The following ENPP6 variants were observed in gnomAD, a reference collection of about 807,000 sequenced individuals.
The protein encoded by ENPP6 is glycerophosphocholine cholinephosphodiesterase ENPP6.
A neutral mutation model predicts 42.0 loss-of-function variants in ENPP6; 32 were observed. The observed-to-expected ratio is 0.76, with a 90% CI of 0.58 to 1.02. The LOEUF is 1.02. ENPP6 is among the 50% of genes least tolerant of loss of function. The pLI is 0.00. For missense variants in ENPP6, 552 were observed against 566.8 expected, an observed-to-expected ratio of 0.97 and a Z score of 0.27; for synonymous variants, 213 against 216.0, an observed-to-expected ratio of 0.99 and a Z score of 0.12.
At chr4:184,113,963 CTCTCTT>C (rs1560982016) in intron 5 of ENPP6, among the ~76,000 whole-genome samples, 10 of 126,516 alleles carry the variant, frequency 7.9e-5, no homozygotes, top group African/African-American at 2.9e-4. Flanking sequence ...TTCTTTCTTT[CTCTCTT>C]TCTTTCTTTC....
chr4:184,179,574 C>T (rs182419905), intron 1 of ENPP6, among the ~76,000 whole-genome samples: 2 of 152,260 alleles, frequency 1.3e-5, no homozygotes, highest in African/African-American at 4.8e-5. Context: ...CTTCTCAACA[C>T]CATATTTGTC....
At chr4:184,114,332 A>G (rs1736279023) in intron 5 of ENPP6, among the ~76,000 whole-genome samples, 1 of 152,184 alleles carries the variant, frequency 6.6e-6, no homozygotes, top group African/African-American at 2.4e-5. Context: ...CGACTGACTG[A>G]TATTGACTTG....
intron 1 of ENPP6, among the ~76,000 whole-genome samples, chr4:184,170,073 C>A (rs1737436549): frequency 6.6e-6 from 1 of 152,166 alleles, no homozygotes; most frequent in African/African-American, 2.4e-5. Flanking sequence ...TCATTCAATA[C>A]CCAGTCCATA....
At chr4:184,198,224 GCCCAGGC>G (rs1732834492) in intron 1 of ENPP6, among the ~76,000 whole-genome samples, 1 of 152,222 alleles carries the variant, frequency 6.6e-6, no homozygotes. Flanking sequence ...GCTGGGAAAA[GCCCAGGC>G]CCTGGCTCTG....
In ENPP6 at chr4:184,115,261, G is replaced by A. The variant is rs1007035965; in HGVS notation, c.855+1595C>T. On this transcript the variant is annotated intron_variant, in intron 5 of 7. Transcript: ENST00000296741. ...TGGCAACCTCCAGGGGCAGCAGGTC[G>A]CCTGCCCCCAGGAAGACAGTTGCTT... Among the ~76,000 whole-genome samples, 8 of 152,206 alleles carry A rather than the reference G, an allele frequency of 5.3e-5. No individual in the cohort carries two copies. In the South Asian group the frequency reaches 8.3e-4, roughly 16 times the overall value.
intron 2 of ENPP6, among the ~76,000 whole-genome samples, chr4:184,138,489 T>G (rs945903033): frequency 6.6e-6 from 1 of 152,124 alleles, no homozygotes; most frequent in African/African-American, 2.4e-5. Context: ...TTTACATCAA[T>G]ATTTTGAACC....
Position 184,110,037 on chromosome 4 carries a change from C to T in ENPP6, c.993+2635G>A, listed in dbSNP as rs188366981. 4.9e-4 allele frequency among the ~76,000 whole-genome samples: 74 copies of T among 152,126 alleles called. No homozygotes were observed. The East Asian group carries it at 5.4e-3, about 11-fold the overall frequency. Reference sequence around the variant, plus strand: ...CTTGGACCCACAGCAGAGTACGGGACGGAAGGATTAGGGGGAGATGGAAGC... The same window carrying T: ...CTTGGACCCACAGCAGAGTACGGGATGGAAGGATTAGGGGGAGATGGAAGC... On this transcript the variant is annotated intron_variant, in intron 6 of 7. Coordinates refer to ENST00000296741, the MANE Select transcript of ENPP6 (RefSeq NM_153343.4).
At position 184,203,329 on chromosome 4, in the gene ENPP6, TAA is replaced by T. The variant is rs377516407; in HGVS notation, c.241+14248_241+14249del. Among the ~76,000 whole-genome samples, 395 of 152,340 alleles carry T rather than the reference TAA, an allele frequency of 2.6e-3. 3 individuals carry two copies. The highest frequency in any genetic ancestry group is 9.2e-3 in the African/African-American group (384 of 41,568). On this transcript the variant is annotated intron_variant, in intron 1 of 7. Coordinates refer to ENST00000296741, the MANE Select transcript of ENPP6 (RefSeq NM_153343.4). ...AAAGTCAAAAAGTGACAGAATAGAT[TAA>T]GTTTGATCTTTGACAGCTAAATCCG...
At position 184,181,668 on chromosome 4, in the gene ENPP6, G is replaced by A. The variant is rs190269406; in HGVS notation, c.242-27935C>T. Among the ~76,000 whole-genome samples the A allele has an allele frequency of 1.9e-3, 294 of 152,206 alleles. 1 individual carries two copies. Among genetic ancestry groups the A allele is most frequent in the Admixed American group, 3.7e-3 (56 of 15,288 alleles). Reference sequence around the variant, plus strand: ...GATATTGATACAAAACAGACACATAGACAAATGGAACAGAATAGAAACCCA... The same window carrying A: ...GATATTGATACAAAACAGACACATAAACAAATGGAACAGAATAGAAACCCA... On this transcript the variant is annotated intron_variant, in intron 1 of 7. Coordinates refer to ENST00000296741, the MANE Select transcript of ENPP6 (RefSeq NM_153343.4).
At chr4:184,143,607 C>A (rs1034600620) in intron 2 of ENPP6, among the ~76,000 whole-genome samples, 9 of 152,218 alleles carry the variant, frequency 5.9e-5, no homozygotes, top group Non-Finnish European at 1.3e-4. Context: ...TTCCTGGGAG[C>A]CCCGCTTTCT....
intron 1 of ENPP6, chr4:184,216,505 T>C (rs1467811070): frequency 1.3e-5 from 2 of 152,308 alleles, no homozygotes; most frequent in African/African-American, 4.8e-5. Flanking sequence ...TTTTAGACTC[T>C]TTTGGCTTTA....
At position 184,184,499 on chromosome 4, in the gene ENPP6, A is replaced by C. The variant is rs1022815235; in HGVS notation, c.242-30766T>G. ...AATGCAGAATTCAGTATATGTGGGA[A>C]AGAGATTAAAATATGAGGGAAAGCA... On this transcript the variant is annotated intron_variant, in intron 1 of 7. Coordinates refer to ENST00000296741, the MANE Select transcript of ENPP6 (RefSeq NM_153343.4). The surrounding 1 kb of genome is among the most constrained non-coding windows in gnomAD (Gnocchi z 4.7). Among the ~76,000 whole-genome samples, 4 of 152,196 alleles carry C rather than the reference A, an allele frequency of 2.6e-5. No homozygotes were observed. Among genetic ancestry groups the C allele is most frequent in the South Asian group, 4.1e-4 (2 of 4,828 alleles).
At chr4:184,104,310 T>C (rs923814629) in intron 6 of ENPP6, among the ~76,000 whole-genome samples, 2 of 152,244 alleles carry the variant, frequency 1.3e-5, no homozygotes, top group African/African-American at 4.8e-5. Flanking sequence ...TTCATATCCT[T>C]TTCCAGTTTT....
rs78466269 is a variant in ENPP6 at position 184,127,504 on chromosome 4, C to G, written c.422-3232G>C. 6.6e-3 allele frequency among the ~76,000 whole-genome samples: 998 copies of G among 152,206 alleles called. 12 individuals carry two copies. The highest frequency in any genetic ancestry group is 0.038 in the South Asian group (181 of 4,822). ...AATGGACTAAATATGTTATTTAAAA[C>G]GCAGAGGTGGGTCAGGCTGAATAAA... On this transcript the variant is annotated intron_variant, in intron 2 of 7. Transcript: ENST00000296741.
At chr4:184,117,074 G>C (rs368407649) in intron 4 of ENPP6, 39 bp from the exon 5 acceptor site, 32 of 1,610,772 alleles carry the variant, frequency 2.0e-5, no homozygotes, top group Admixed American at 6.7e-5. Flanking sequence ...GGCACCAACA[G>C]AGAGGCTCGT....
chr4:184,147,494 G>A (rs962181713), intron 2 of ENPP6, among the ~76,000 whole-genome samples: 2 of 152,154 alleles, frequency 1.3e-5, no homozygotes, highest in Admixed American at 1.3e-4. Context: ...CAGAATAAAT[G>A]CTTCAGCATG....
chr4:184,157,782 T>TA (rs1553997756), intron 1 of ENPP6, among the ~76,000 whole-genome samples: 1 of 148,122 alleles, frequency 6.8e-6, no homozygotes, highest in Admixed American at 6.7e-5. Flanking sequence ...TAATTTTTTT[T>TA]TTTTTTTTTG....
chr4:184,106,731 G>A (rs957301832), intron 6 of ENPP6, among the ~76,000 whole-genome samples: 3 of 152,154 alleles, frequency 2.0e-5, no homozygotes, highest in Admixed American at 6.5e-5. Context: ...TGTGGCATGC[G>A]TGTTTATTTA....
intron 1 of ENPP6, among the ~76,000 whole-genome samples, chr4:184,157,736 T>C (rs1737195450): frequency 6.6e-6 from 1 of 151,170 alleles, no homozygotes; most frequent in Non-Finnish European, 1.5e-5. Context: ...GCCTCCCAAG[T>C]AGCTGGGACC....
Sources: gnomAD v4.1 joint callset for allele counts (sites outside exome capture counted in the v4.1 genomes callset) on GRCh38, gnomAD v4.1.1 for gene constraint, Gnocchi (gnomAD v3.1) non-coding constraint, MANE v1.5 for transcripts, NCBI Gene and HGNC (gene_info 2026-07-23, HGNC 2026-07-21) for gene names.